Variants in VAV1 observed in about 807,000 individuals in gnomAD.
The protein encoded by VAV1 is proto-oncogene vav.
A neutral mutation model predicts 128.1 loss-of-function variants in VAV1; 33 were observed. The ratio of observed to expected loss-of-function variants is 0.26; its 90% CI spans 0.20 to 0.34. The LOEUF (loss-of-function observed/expected upper bound fraction) is 0.34, where lower values mean the gene tolerates loss of function less well. VAV1 is among the 10% of genes least tolerant of loss of function. The pLI is 1.00. For missense variants in VAV1, 715 were observed against 1,093.7 expected (o/e 0.65, Z 4.88); for synonymous variants, 394 against 409.8 (o/e 0.96, Z 0.47).
At chr19:6,853,106 C>T (rs1378114194) in intron 25 of VAV1, 27 bp downstream of exon 25, 6 of 1,600,262 alleles carry the variant, frequency 3.7e-6, no homozygotes, top group East Asian at 2.2e-5. Context: ...TGGGGGCTTA[C>T]AGCCTCAGCC....
At chr19:6,789,573 C>CTTTCT (rs1367929770) in intron 1 of VAV1, among the ~76,000 whole-genome samples, 1 of 144,780 alleles carries the variant, frequency 6.9e-6, no homozygotes, top group Non-Finnish European at 1.5e-5. Flanking sequence ...TTCTGTTCTG[C>CTTTCT]TTTCTTTTCT....
rs543330478 is a variant in VAV1 at position 6,801,545 on chromosome 19, C to T, written c.205-19157C>T. Among the ~76,000 whole-genome samples, 183 of 152,240 alleles carry T rather than the reference C, an allele frequency of 1.2e-3. 1 individual carries two copies. The highest frequency in any genetic ancestry group is 2.0e-3 in the Non-Finnish European group (133 of 68,022). The stretch of plus-strand genomic sequence containing the variant: ...GCTTTGAAAGGGTGCACAGCACACC[C>T]GCCCTCTCTGGGAACCCTCGGGAGC... On this transcript the variant is annotated intron_variant, in intron 1 of 26. Transcript: ENST00000602142.
intron 1 of VAV1, among the ~76,000 whole-genome samples, chr19:6,784,434 A>T (rs549738453): frequency 6.6e-4 from 100 of 151,314 alleles, no homozygotes; most frequent in African/African-American, 2.4e-3. Context: ...TAGGGCCAAC[A>T]GGAGGGGCAT....
At position 6,822,171 on chromosome 19, in the gene VAV1, T is replaced by C. The variant is rs1185523996; in HGVS notation, c.450-50T>C. ...CCTGCGCTGGGGTCTGCGGGGACCC[T>C]GCTGTGATCTGGGAGAGGTCCAAGG... On this transcript the variant is annotated intron_variant, in intron 4 of 26. Coordinates refer to ENST00000602142, the MANE Select transcript of VAV1 (RefSeq NM_005428.4). The surrounding 1 kb of genome is among the most constrained non-coding windows in gnomAD (Gnocchi z 5.9). The C allele has an allele frequency of 2.0e-6, 3 of 1,523,214 alleles. No homozygotes were observed. The highest frequency in any genetic ancestry group is 1.2e-5 in the South Asian group (1 of 83,534). The allele number at this position is 1,523,214 out of a possible 1,614,324, so 94.4% of individuals were successfully genotyped here. A position where few individuals can be genotyped will look rare whatever the true frequency, so the allele number is the denominator to read the frequency against.
intron 23 of VAV1, 93 bp from the exon 24 acceptor site, chr19:6,850,577 T>C: frequency 8.1e-7 from 1 of 1,238,782 alleles, no homozygotes; most frequent in Non-Finnish European, 1.2e-6. Context: ...TACTCCTCCC[T>C]GAAGGGGTCA....
chr19:6,817,590 G>A (rs996100788), intron 1 of VAV1, among the ~76,000 whole-genome samples: 1 of 152,088 alleles, frequency 6.6e-6, no homozygotes. Flanking sequence ...TTTTATTTGG[G>A]TGAGATAAAC....
At chr19:6,788,328 C>T (rs1267750958) in intron 1 of VAV1, among the ~76,000 whole-genome samples, 4 of 148,064 alleles carry the variant, frequency 2.7e-5, no homozygotes, top group African/African-American at 5.0e-5. Flanking sequence ...CATTATCCTT[C>T]GTTGAACATG....
intron 22 of VAV1, among the ~76,000 whole-genome samples, chr19:6,846,239 T>C (rs1430049139): frequency 2.6e-5 from 4 of 151,254 alleles, no homozygotes; most frequent in African/African-American, 9.7e-5. Flanking sequence ...ATGTTGTACA[T>C]TATATACTAT....
In VAV1 at chr19:6,842,716, TC is replaced by T. The variant is rs1599676152; in HGVS notation, c.1981-416del. 2.6e-5 allele frequency among the ~76,000 whole-genome samples: 4 copies of T among 151,998 alleles called. No homozygotes were observed. The East Asian group carries it at 7.8e-4, about 29-fold the overall frequency. On this transcript the variant is annotated intron_variant, in intron 21 of 26. Coordinates refer to ENST00000602142, the MANE Select transcript of VAV1 (RefSeq NM_005428.4). ...CGGGTGTGGTGGTGCGTACCTGTAG[TC>T]CCAGCACTTGGGAGGCTGAGGTGAG...
At chr19:6,800,630 G>GT (rs920038000) in intron 1 of VAV1, among the ~76,000 whole-genome samples, 2 of 143,410 alleles carry the variant, frequency 1.4e-5, no homozygotes, top group African/African-American at 5.2e-5. Context: ...GTTTTGTTTT[G>GT]TTTTTTGTTT....
At chr19:6,837,196 C>T in intron 21 of VAV1, 146 bp downstream of exon 21, 1 of 758,272 alleles carries the variant, frequency 1.3e-6, no homozygotes, top group Non-Finnish European at 2.2e-6. Context: ...GCTTCACCCA[C>T]CCCACCAACT....
rs572984152 is a variant in VAV1 at position 6,780,730 on chromosome 19, T to A, written c.204+7719T>A. Among the ~76,000 whole-genome samples, 9 of 147,586 alleles carry A rather than the reference T, an allele frequency of 6.1e-5. 1 individual carries two copies. Among genetic ancestry groups the A allele is most frequent in the Admixed American group, 2.0e-4 (3 of 14,804 alleles). On this transcript the variant is annotated intron_variant, in intron 1 of 26. Coordinates refer to ENST00000602142, the MANE Select transcript of VAV1 (RefSeq NM_005428.4). ...GGGATTACAGGCACGTGCCACCACA[T>A]CCGGCTAATTTTTTTGTATTTTTAG...
chr19:6,847,265 C>G (rs1345930968), intron 22 of VAV1, among the ~76,000 whole-genome samples: 1 of 152,132 alleles, frequency 6.6e-6, no homozygotes, highest in Non-Finnish European at 1.5e-5. Flanking sequence ...CGTTTAGCTC[C>G]AAAACATTCT....
At chr19:6,797,700 C>T (rs1256855839) in intron 1 of VAV1, among the ~76,000 whole-genome samples, 3 of 145,378 alleles carry the variant, frequency 2.1e-5, no homozygotes, top group East Asian at 2.0e-4. Context: ...TGAAAGATCG[C>T]GCCATTGCAC....
At chr19:6,816,051 G>T (rs1248385880) in intron 1 of VAV1, among the ~76,000 whole-genome samples, 4 of 137,412 alleles carry the variant, frequency 2.9e-5, no homozygotes, top group African/African-American at 1.2e-4. Context: ...ACGGAGTCTC[G>T]CTCTGTCGCC....
Position 6,826,784 on chromosome 19 carries a change from G to A in VAV1, c.927+73G>A. The A allele has an allele frequency of 8.2e-7, 1 of 1,226,622 alleles. No homozygotes were observed. Among genetic ancestry groups the A allele is most frequent in the Non-Finnish European group, 1.2e-6 (1 of 866,154 alleles). The allele number at this position is 1,226,622 out of a possible 1,614,324, so 76.0% of individuals were successfully genotyped here. On this transcript the variant is annotated intron_variant, in intron 9 of 26. Transcript: ENST00000602142. This position sits in a 1 kb window ranked among gnomAD's most constrained non-coding sequence, Gnocchi z 4.1. ...CCCTGGGGGCAGCAGGGAGGACACT[G>A]AGTTGCAGATGGTCCACTTTCTGCT...
intron 1 of VAV1, among the ~76,000 whole-genome samples, chr19:6,814,693 T>TC (rs1568299321): frequency 8.7e-5 from 11 of 125,914 alleles, no homozygotes; most frequent in Middle Eastern, 3.6e-3. Context: ...TCTTTCTTTC[T>TC]TTCTTTCTTT....
At chr19:6,806,286 C>A in intron 1 of VAV1, among the ~76,000 whole-genome samples, 1 of 152,182 alleles carries the variant, frequency 6.6e-6, no homozygotes, top group East Asian at 1.9e-4. Flanking sequence ...GGGGTTTCAC[C>A]ATGTTGGTCT....
chr19:6,786,535 G>A (rs2144704649), intron 1 of VAV1, among the ~76,000 whole-genome samples: 1 of 152,146 alleles, frequency 6.6e-6, no homozygotes, highest in Admixed American at 6.6e-5. Context: ...GTAATCTTAA[G>A]ACATTGGGAG....
Sources: allele counts gnomAD v4.1 joint callset (sites outside exome capture counted in the v4.1 genomes callset), GRCh38; gene constraint gnomAD v4.1.1; non-coding constraint Gnocchi (gnomAD v3.1); transcripts MANE v1.5; gene names NCBI Gene and HGNC (gene_info 2026-07-23, HGNC 2026-07-21).